The following RYR3 variants were observed in gnomAD, a reference collection of about 807,000 sequenced individuals.
RYR3 encodes the protein ryanodine receptor 3, also known as brain ryanodine receptor-calcium release channel.
RYR3 carries 207 observed loss-of-function variants against 584.3 expected under a neutral mutation model. The observed-to-expected ratio is 0.35, with a 90% CI of 0.32 to 0.40. RYR3 has a LOEUF of 0.40. Ranked by LOEUF, RYR3 falls within the 10% of genes least tolerant of loss-of-function variation. The pLI is 1.00. For missense variants in RYR3, 5,616 were observed against 6,089.2 expected (o/e 0.92, Z 2.59); for synonymous variants, 2,416 against 2,248.5 (o/e 1.07, Z -2.11).
At chr15:33,503,886 A>T in intron 3 of RYR3, 148 bp downstream of exon 3, 1 of 621,088 alleles carries the variant, frequency 1.6e-6, no homozygotes. Flanking sequence ...CCCTGAGTTG[A>T]GTTGGTGTTA....
chr15:33,659,909 T>C, intron 33 of RYR3, 103 bp downstream of exon 33: 2 of 797,154 alleles, frequency 2.5e-6, no homozygotes, highest in Non-Finnish European at 4.2e-6. Flanking sequence ...GCCTGTTCAC[T>C]TCCCATAAGC....
chr15:33,464,463 GATATAT>G lies in RYR3; in HGVS notation c.52-8934_52-8929del, dbSNP rs569756898. On this transcript the variant is annotated intron_variant, in intron 1 of 103. Coordinates refer to ENST00000634891, the MANE Select transcript of RYR3 (RefSeq NM_001036.6). ...AGAAGAGAGACTGTAGGGAGGTGGAGATATATATATATATATATATATATATACACA... is the reference window on the plus strand; with the variant it reads ...AGAAGAGAGACTGTAGGGAGGTGGAGATATATATATATATATATATACACA... Among the ~76,000 whole-genome samples, 242 of 79,258 alleles carry G rather than the reference GATATAT, an allele frequency of 3.1e-3. 11 individuals are homozygous for G. Among genetic ancestry groups the G allele is most frequent in the South Asian group, 0.029 (72 of 2,504 alleles). The allele number at this position is 79,258 out of a possible 152,430, so 52.0% of individuals were successfully genotyped here.
At chr15:33,316,542 A>G (rs2140482977) in intron 1 of RYR3, among the ~76,000 whole-genome samples, 1 of 152,322 alleles carries the variant, frequency 6.6e-6, no homozygotes, top group Admixed American at 6.5e-5. Context: ...GGATGCTGTA[A>G]TAATAAAAAA....
intron 69 of RYR3, 79 bp downstream of exon 69, chr15:33,802,040 G>A (rs926098083): frequency 1.1e-6 from 1 of 886,820 alleles, no homozygotes; most frequent in African/African-American, 1.6e-5. Context: ...ATACTTTCTG[G>A]GGATTAACAC....
chr15:33,488,925 C>T (rs1036821368), intron 2 of RYR3, among the ~76,000 whole-genome samples: 5 of 152,158 alleles, frequency 3.3e-5, no homozygotes, highest in African/African-American at 1.2e-4. Flanking sequence ...TGGATATTTT[C>T]AAACCAGGAG....
chr15:33,737,198 A>G (rs2069560555), intron 49 of RYR3, among the ~76,000 whole-genome samples: 1 of 151,984 alleles, frequency 6.6e-6, no homozygotes, highest in Admixed American at 6.6e-5. Context: ...AGTTCAAGCA[A>G]CCCTCCCTCC....
intron 45 of RYR3, 72 bp from the exon 46 acceptor site, chr15:33,726,314 G>C: frequency 6.3e-7 from 1 of 1,578,372 alleles, no homozygotes; most frequent in Non-Finnish European, 8.6e-7. Context: ...TACTGCCAGA[G>C]GTTTGGAGGT....
intron 12 of RYR3, among the ~76,000 whole-genome samples, chr15:33,570,709 A>T (rs186546816): frequency 6.6e-6 from 1 of 152,318 alleles, no homozygotes; most frequent in Non-Finnish European, 1.5e-5. Flanking sequence ...TCCAATCTTC[A>T]AACATAAAAT....
At chr15:33,751,393 T>C (rs912274586) in intron 57 of RYR3, among the ~76,000 whole-genome samples, 9 of 152,158 alleles carry the variant, frequency 5.9e-5, no homozygotes, top group Admixed American at 2.0e-4. Flanking sequence ...CTCTCCAGCA[T>C]CTGTTGTTTC....
chr15:33,840,796 A>C (rs927597077), intron 89 of RYR3, 29 bp from the exon 90 acceptor site: 2 of 1,611,570 alleles, frequency 1.2e-6, no homozygotes. Context: ...TCTTTGAGGA[A>C]AGCTTGACTA....
chr15:33,768,612 C>G (rs754714694), intron 60 of RYR3, 46 bp from the exon 61 acceptor site: 8 of 1,573,048 alleles, frequency 5.1e-6, no homozygotes, highest in Non-Finnish European at 7.0e-6. Context: ...AAGCGTGAGT[C>G]CTTTAATCTC....
intron 1 of RYR3, among the ~76,000 whole-genome samples, chr15:33,319,912 G>C (rs1282300854): frequency 6.6e-6 from 1 of 152,098 alleles, no homozygotes; most frequent in Non-Finnish European, 1.5e-5. Flanking sequence ...CAAGTTCTCA[G>C]GTACCTACAG....
At position 33,861,127 on chromosome 15, in the gene RYR3, C is replaced by G; in HGVS notation, c.14414C>G (p.Pro4805Arg). Residue 4805 changes from proline (P) to arginine (R), a missense_variant, in exon 102 of 104, where the codon CCT becomes CGT. Pro to Arg is a moderately radical substitution (Grantham distance 103, BLOSUM62 -2). Coordinates refer to ENST00000634891, the MANE Select transcript of RYR3 (RefSeq NM_001036.6). Reference sequence around the variant, plus strand: ...GGCAATGACTACTTTGACACAACCCCTCATGGTTTTGAAACACATACATTA... The same window carrying G: ...GGCAATGACTACTTTGACACAACCCGTCATGGTTTTGAAACACATACATTA... ...GIGNDYFDTTPHGFETHTLQE... is the reference protein window; with the variant it reads ...GIGNDYFDTTRHGFETHTLQE... 2 of 1,597,964 alleles carry G rather than the reference C, an allele frequency of 1.3e-6. No individual in the cohort carries two copies. Among genetic ancestry groups the G allele is most frequent in the Non-Finnish European group, 1.7e-6 (2 of 1,171,334 alleles).
chr15:33,315,580 G>A (rs1457369812), intron 1 of RYR3, among the ~76,000 whole-genome samples: 1 of 152,128 alleles, frequency 6.6e-6, no homozygotes, highest in Admixed American at 6.5e-5. Flanking sequence ...GTCACTTCAG[G>A]GCTTCCCATC....
At chr15:33,817,046 C>G (rs1259530141) in intron 75 of RYR3, 88 bp downstream of exon 75, 1 of 781,486 alleles carries the variant, frequency 1.3e-6, no homozygotes, top group Non-Finnish European at 2.1e-6. Context: ...GTTAAACATT[C>G]ACAAGGAATC....
At chr15:33,591,340 C>A (rs1438518590) in intron 16 of RYR3, among the ~76,000 whole-genome samples, 1 of 152,182 alleles carries the variant, frequency 6.6e-6, no homozygotes, top group Admixed American at 6.5e-5. Context: ...TTTTTCACAT[C>A]TATTTCTCTT....
At chr15:33,860,693 T>A (rs779188885) in intron 101 of RYR3, 34 bp downstream of exon 101, 1 of 1,419,196 alleles carries the variant, frequency 7.0e-7, no homozygotes, top group South Asian at 1.2e-5. Flanking sequence ...CCCAGCTCTA[T>A]TTTAATATCC....
intron 12 of RYR3, among the ~76,000 whole-genome samples, chr15:33,577,157 A>G (rs1308964685): frequency 2.0e-5 from 3 of 152,226 alleles, no homozygotes; most frequent in Non-Finnish European, 4.4e-5. Context: ...GCTCATGGAT[A>G]GGAAGAATCA....
intron 1 of RYR3, among the ~76,000 whole-genome samples, chr15:33,410,787 A>ATACCCAAGATTGGGTAATT (rs879569781): frequency 1.3e-5 from 2 of 152,230 alleles, no homozygotes; most frequent in African/African-American, 2.4e-5. Flanking sequence ...TAATAAAGAC[A>ATACCCAAGATTGGGTAATT]TACCCAAGAT....
Sources: gnomAD v4.1 joint callset for allele counts (sites outside exome capture counted in the v4.1 genomes callset) on GRCh38, gnomAD v4.1.1 for gene constraint, MANE v1.5 for transcripts, NCBI Gene and HGNC (gene_info 2026-07-23, HGNC 2026-07-21) for gene names.